LYPLAL1: variants seen among roughly 807,000 people sequenced by gnomAD.
The protein encoded by LYPLAL1 is lysophospholipase like 1, also known as lysophospholipase-like protein 1.
In LYPLAL1, 23 loss-of-function variants were observed where a neutral mutation model predicts 19.7. The observed-to-expected ratio is 1.17, with a 90% CI of 0.84 to 1.65. The LOEUF (loss-of-function observed/expected upper bound fraction) is 1.65. Among genes scored for constraint, LYPLAL1 ranks in the 40% most tolerant of loss-of-function variants. The probability of loss-of-function intolerance (pLI) is 0.00; values close to 1 mark genes in which losing one functional copy is unlikely to be tolerated. For missense variants in LYPLAL1, 355 were observed against 279.4 expected, an observed-to-expected ratio of 1.27 and a Z score of -1.93; for synonymous variants, 119 against 96.3, an observed-to-expected ratio of 1.24 and a Z score of -1.38.
At chr1:219,193,464 G>A (rs1657364106) in intron 3 of LYPLAL1, 3 of 296,120 alleles carry the variant, frequency 1.0e-5, no homozygotes, top group South Asian at 1.2e-4. Flanking sequence ...GAATAATAAC[G>A]GATTTTGAGA....
chr1:219,176,630 A>T (rs186202032), intron 1 of LYPLAL1, among the ~76,000 whole-genome samples: 1 of 152,218 alleles, frequency 6.6e-6, no homozygotes, highest in African/African-American at 2.4e-5. Context: ...GCCATTAATG[A>T]TGGGGTTTCT....
intron 1 of LYPLAL1, chr1:219,174,208 C>T (rs1655613553): frequency 1.4e-6 from 2 of 1,404,306 alleles, no homozygotes; most frequent in East Asian, 2.7e-5. Context: ...ACCACCCTCG[C>T]TTTGGGGCCT....
the LYPLAL1 span, among the ~76,000 whole-genome samples, chr1:219,377,006 G>A: frequency 1.3e-5 from 2 of 152,202 alleles, no homozygotes; most frequent in African/African-American, 4.8e-5. Context: ...ATTGAAGGCA[G>A]TGTCTCAAAG....
At chr1:219,416,347 T>A in the LYPLAL1 span, among the ~76,000 whole-genome samples, 1 of 152,216 alleles carries the variant, frequency 6.6e-6, no homozygotes, top group African/African-American at 2.4e-5. Context: ...TTTTGTAGAA[T>A]GTCCCTCACC....
chr1:219,316,434 T>C, the LYPLAL1 span, among the ~76,000 whole-genome samples: 1 of 152,204 alleles, frequency 6.6e-6, no homozygotes, highest in South Asian at 2.1e-4. Context: ...GGATTTAGTA[T>C]CAGGGCAATG....
chr1:219,359,055 A>G, the LYPLAL1 span, among the ~76,000 whole-genome samples: 2 of 148,404 alleles, frequency 1.3e-5, no homozygotes, highest in East Asian at 2.0e-4. Flanking sequence ...CAAACTCTAT[A>G]TAAGTGAGGA....
At chr1:219,444,164 C>T in the LYPLAL1 span, among the ~76,000 whole-genome samples, 1 of 152,108 alleles carries the variant, frequency 6.6e-6, no homozygotes, top group African/African-American at 2.4e-5. Flanking sequence ...ACAGTAGAAC[C>T]CCCCTTACCC....
At chr1:219,378,261 G>A in the LYPLAL1 span, among the ~76,000 whole-genome samples, 2 of 149,960 alleles carry the variant, frequency 1.3e-5, no homozygotes, top group Non-Finnish European at 2.9e-5. Flanking sequence ...AGCATGGCTG[G>A]GGAAGCCTCA....
At chr1:219,373,448 G>C in the LYPLAL1 span, among the ~76,000 whole-genome samples, 2 of 152,102 alleles carry the variant, frequency 1.3e-5, no homozygotes, top group African/African-American at 4.8e-5. Context: ...GTCTCAAAAG[G>C]GGTGTCTTGG....
At chr1:219,440,006 TATATATACACACACACAC>T in the LYPLAL1 span, among the ~76,000 whole-genome samples, 2,149 of 103,048 alleles carry the variant, frequency 0.021, 52 homozygotes, top group African/African-American at 0.066. Context: ...CATATATATA[TATATATACACACACACAC>T]ATATATATAT....
At chr1:219,339,338 TG>T in the LYPLAL1 span, among the ~76,000 whole-genome samples, 1 of 152,020 alleles carries the variant, frequency 6.6e-6, no homozygotes, top group Admixed American at 6.6e-5. Context: ...GCAATGCAGA[TG>T]AGTGTAACTA....
At chr1:219,184,876 T>G (rs1239662003) in intron 2 of LYPLAL1, among the ~76,000 whole-genome samples, 1 of 151,944 alleles carries the variant, frequency 6.6e-6, no homozygotes, top group Non-Finnish European at 1.5e-5. Flanking sequence ...ATGAGGAATA[T>G]TGTTCTGTGA....
the LYPLAL1 span, among the ~76,000 whole-genome samples, chr1:219,346,479 A>C: frequency 5.9e-3 from 820 of 138,280 alleles, 8 homozygotes; most frequent in Non-Finnish European, 9.9e-3. Flanking sequence ...TTTTTTTTTC[A>C]AAAAAGCCAT....
the LYPLAL1 span, among the ~76,000 whole-genome samples, chr1:219,428,959 G>A: frequency 2.0e-5 from 3 of 152,276 alleles, no homozygotes; most frequent in Non-Finnish European, 4.4e-5. Flanking sequence ...TGTGTGGTGT[G>A]TGCATGCACG....
chr1:219,444,090 T>A, the LYPLAL1 span, among the ~76,000 whole-genome samples: 1 of 152,118 alleles, frequency 6.6e-6, no homozygotes, highest in Non-Finnish European at 1.5e-5. Flanking sequence ...CTCATCAACA[T>A]TATAAGGAAA....
chr1:219,307,241 T>G, the LYPLAL1 span, among the ~76,000 whole-genome samples: 22 of 152,152 alleles, frequency 1.4e-4, no homozygotes, highest in African/African-American at 5.1e-4. Flanking sequence ...CTGTCTTGCT[T>G]GTGACTGAGT....
chr1:219,262,741 G>A, the LYPLAL1 span, among the ~76,000 whole-genome samples: 46 of 152,328 alleles, frequency 3.0e-4, no homozygotes, highest in African/African-American at 1.1e-3. Context: ...GGAGGTGGCA[G>A]GGGAGGGAAG....
chr1:219,425,265 G>A, the LYPLAL1 span, among the ~76,000 whole-genome samples: 2 of 152,110 alleles, frequency 1.3e-5, no homozygotes, highest in South Asian at 2.1e-4. Context: ...ATCACCTTGG[G>A]AATGAGGATT....
chr1:219,249,207 C>G, the LYPLAL1 span, among the ~76,000 whole-genome samples: 1 of 151,916 alleles, frequency 6.6e-6, no homozygotes, highest in African/African-American at 2.4e-5. Context: ...CACAAGTCTC[C>G]CGGCCTTCTA....
Sources: allele counts gnomAD v4.1 joint callset (sites outside exome capture counted in the v4.1 genomes callset), GRCh38; gene constraint gnomAD v4.1.1; transcripts MANE v1.5; gene names NCBI Gene and HGNC (gene_info 2026-07-23, HGNC 2026-07-21).